The following ACVR1C variants were observed in gnomAD, a reference collection of about 807,000 sequenced individuals.
The protein encoded by ACVR1C is activin receptor type-1C.
A neutral mutation model predicts 57.9 loss-of-function variants in ACVR1C; 23 were observed. The ratio of observed to expected loss-of-function variants is 0.40; its 90% CI spans 0.29 to 0.56. ACVR1C has a LOEUF of 0.56. Ranked by LOEUF, ACVR1C falls within the 20% of genes least tolerant of loss-of-function variation. The pLI is 0.50. For synonymous variants in ACVR1C, 214 were observed against 215.3 expected (o/e 0.99, Z 0.05); for missense variants, 480 against 607.9 (o/e 0.79, Z 2.21).
chr2:157,596,331 G>A (rs1682112253), intron 1 of ACVR1C, among the ~76,000 whole-genome samples: 1 of 151,908 alleles, frequency 6.6e-6, no homozygotes, highest in African/African-American at 2.4e-5. Context: ...CATTATTTGG[G>A]GGGTGGGGGG....
chr2:157,609,103 A>C (rs1027500237), intron 1 of ACVR1C, among the ~76,000 whole-genome samples: 10 of 151,536 alleles, frequency 6.6e-5, no homozygotes, highest in Non-Finnish European at 1.5e-4. Flanking sequence ...GTGGGCATTT[A>C]TCTCTATAAA....
chr2:157,549,275 G>A (rs909683104), intron 4 of ACVR1C, among the ~76,000 whole-genome samples: 2 of 152,184 alleles, frequency 1.3e-5, no homozygotes, highest in Admixed American at 1.3e-4. Flanking sequence ...TGAGGCAGGA[G>A]AATCGCTTGA....
At chr2:157,601,737 A>C (rs1682287776) in intron 1 of ACVR1C, among the ~76,000 whole-genome samples, 1 of 152,184 alleles carries the variant, frequency 6.6e-6, no homozygotes, top group African/African-American at 2.4e-5. Flanking sequence ...TGTAGTTCTA[A>C]TCCTGAGCCA....
At chr2:157,578,708 A>G (rs1429500820) in intron 2 of ACVR1C, among the ~76,000 whole-genome samples, 1 of 152,178 alleles carries the variant, frequency 6.6e-6, no homozygotes, top group Non-Finnish European at 1.5e-5. Context: ...TTTGCTGGAT[A>G]TAGAATTCTG....
At chr2:157,582,840 A>C (rs1291327023) in intron 2 of ACVR1C, among the ~76,000 whole-genome samples, 2 of 152,218 alleles carry the variant, frequency 1.3e-5, no homozygotes, top group Admixed American at 6.5e-5. Context: ...CAAAGAATCT[A>C]GAAAAAAGCT....
intron 6 of ACVR1C, among the ~76,000 whole-genome samples, chr2:157,541,850 A>C (rs1426044806): frequency 4.6e-5 from 7 of 152,162 alleles, no homozygotes; most frequent in Admixed American, 3.3e-4. Flanking sequence ...TCTACTCTCA[A>C]GGGCCTTTAA....
At chr2:157,550,461 T>C (rs1404375973) in intron 3 of ACVR1C, 69 bp from the exon 4 acceptor site, 2 of 1,410,038 alleles carry the variant, frequency 1.4e-6, no homozygotes, top group African/African-American at 1.4e-5. Flanking sequence ...ATAATCACTG[T>C]TTTCAGATTT....
chr2:157,608,469 A>G (rs1682457745), intron 1 of ACVR1C, among the ~76,000 whole-genome samples: 1 of 151,404 alleles, frequency 6.6e-6, no homozygotes, highest in East Asian at 1.9e-4. Context: ...GTCGTTGTCT[A>G]GGGCTATCAG....
chr2:157,597,567 G>T (rs1476533114), intron 1 of ACVR1C: 1 of 985,304 alleles, frequency 1.0e-6, no homozygotes, highest in Non-Finnish European at 1.2e-6. Context: ...CAACCCCCAG[G>T]AGACGTTCTC....
At chr2:157,565,177 T>C (rs766452234) in intron 2 of ACVR1C, among the ~76,000 whole-genome samples, 9 of 152,108 alleles carry the variant, frequency 5.9e-5, no homozygotes, top group Non-Finnish European at 1.3e-4. Flanking sequence ...AGAAAAAGAT[T>C]ATCACGAGAT....
At chr2:157,601,183 G>A (rs946390861) in intron 1 of ACVR1C, among the ~76,000 whole-genome samples, 1 of 151,956 alleles carries the variant, frequency 6.6e-6, no homozygotes, top group African/African-American at 2.4e-5. Flanking sequence ...CAGGCTTGGT[G>A]GCAGGCTCCT....
At chr2:157,556,699 G>T (rs7577134) in intron 2 of ACVR1C, among the ~76,000 whole-genome samples, 70,938 of 133,902 alleles carry the variant, frequency 0.53, 19,229 homozygotes, top group African/African-American at 0.71. Context: ...AGTCTCACTC[G>T]ATCACCCAGG....
intron 2 of ACVR1C, among the ~76,000 whole-genome samples, chr2:157,575,272 A>G (rs1425684021): frequency 6.6e-6 from 1 of 151,954 alleles, no homozygotes; most frequent in Non-Finnish European, 1.5e-5. Flanking sequence ...AGCTGGGATT[A>G]CAGGCATGTG....
At chr2:157,558,865 T>C (rs1688169709) in intron 2 of ACVR1C, among the ~76,000 whole-genome samples, 1 of 152,248 alleles carries the variant, frequency 6.6e-6, no homozygotes, top group Non-Finnish European at 1.5e-5. Flanking sequence ...CATATTTTTA[T>C]GTCTGCACAA....
At chr2:157,541,555 T>G (rs1000551223) in intron 6 of ACVR1C, among the ~76,000 whole-genome samples, 1 of 152,188 alleles carries the variant, frequency 6.6e-6, no homozygotes, top group Non-Finnish European at 1.5e-5. Flanking sequence ...GAAGTGAGGA[T>G]GCAACACCCT....
In ACVR1C at chr2:157,540,539, G is replaced by A. The variant is rs995309610; in HGVS notation, c.1225+551C>T. Among the ~76,000 whole-genome samples, 15 of 151,904 alleles carry A rather than the reference G, an allele frequency of 9.9e-5. 1 individual carries two copies. Among genetic ancestry groups the A allele is most frequent in the African/African-American group, 2.4e-4 (10 of 41,348 alleles). On this transcript the variant is annotated intron_variant, in intron 7 of 8. Coordinates refer to ENST00000243349, the MANE Select transcript of ACVR1C (RefSeq NM_145259.3). Reference sequence around the variant, plus strand: ...CTCGAACTCCCGACCTCAGTGATCCGCCCGCCTCAGCCTCCCAAAGTGTTG... The same window carrying A: ...CTCGAACTCCCGACCTCAGTGATCCACCCGCCTCAGCCTCCCAAAGTGTTG...
chr2:157,560,645 C>T (rs1688212133), intron 2 of ACVR1C, among the ~76,000 whole-genome samples: 1 of 152,192 alleles, frequency 6.6e-6, no homozygotes, highest in Non-Finnish European at 1.5e-5. Context: ...TCTAATCTTT[C>T]ATTTTTCATA....
intron 1 of ACVR1C, among the ~76,000 whole-genome samples, chr2:157,620,339 C>A (rs1185185939): frequency 6.6e-6 from 1 of 151,910 alleles, no homozygotes; most frequent in Non-Finnish European, 1.5e-5. Context: ...ACTATCAGAG[C>A]AAGCAAATGT....
chr2:157,597,268 C>G, intron 1 of ACVR1C: 2 of 863,064 alleles, frequency 2.3e-6, no homozygotes, highest in Non-Finnish European at 2.8e-6. Context: ...ACACTCACTG[C>G]CCTGATGGAA....
Sources: allele counts gnomAD v4.1 joint callset (sites outside exome capture counted in the v4.1 genomes callset), GRCh38; gene constraint gnomAD v4.1.1; transcripts MANE v1.5; gene names NCBI Gene and HGNC (gene_info 2026-07-23, HGNC 2026-07-21).